Variants in PCDHAC1 observed in about 807,000 individuals in gnomAD.
PCDHAC1 encodes the protein protocadherin alpha subfamily C, 1.
Under a neutral mutation model 60.0 loss-of-function variants are expected in PCDHAC1, and 42 were observed. The ratio of observed to expected loss-of-function variants is 0.70; its 90% CI spans 0.55 to 0.90. The LOEUF is 0.90. Ranked by LOEUF, PCDHAC1 falls within the 40% of genes least tolerant of loss-of-function variation. The pLI is 0.00. For synonymous variants in PCDHAC1, 468 were observed against 499.3 expected (o/e 0.94, Z 0.84); for missense variants, 1,160 against 1,222.3 (o/e 0.95, Z 0.76).
At chr5:140,985,740 T>TG (rs1554247304) in intron 3 of PCDHAC1, among the ~76,000 whole-genome samples, 2 of 53,688 alleles carry the variant, frequency 3.7e-5, no homozygotes, top group Admixed American at 1.9e-4. Flanking sequence ...GATGAATTCC[T>TG]TTTTTTTTTT....
Position 140,969,468 on chromosome 5 carries a change from A to G in PCDHAC1, c.2434-9481A>G, listed in dbSNP as rs1554231867. 18 of 1,486,304 alleles carry G rather than the reference A, an allele frequency of 1.2e-5. No individual in the cohort carries two copies. In the South Asian group the frequency reaches 2.5e-4, roughly 21 times the overall value. 92.1% of individuals were successfully genotyped at this position (1,486,304 alleles called of 1,614,324 possible). The stretch of plus-strand genomic sequence containing the variant: ...AAACTGAGTATATATAGTATCCACA[A>G]TTTGATCATAATCTGCTATTTCCTC... On this transcript the variant is annotated intron_variant, in intron 1 of 3. Transcript: ENST00000253807.
intron 1 of PCDHAC1, chr5:140,969,402 T>C: frequency 6.3e-7 from 1 of 1,579,638 alleles, no homozygotes; most frequent in Non-Finnish European, 8.6e-7. Flanking sequence ...TCCTGTGATT[T>C]GGCTTTATTG....
chr5:140,945,001 G>GT (rs2093723326), intron 1 of PCDHAC1, among the ~76,000 whole-genome samples: 1 of 151,990 alleles, frequency 6.6e-6, no homozygotes, highest in South Asian at 2.1e-4. Context: ...ACGGTTGTGG[G>GT]TCATGAATTA....
chr5:140,928,220 C>G lies in PCDHAC1; in HGVS notation c.1328C>G (p.Pro443Arg). The G allele has an allele frequency of 6.2e-7, 1 of 1,614,166 alleles. No individual in the cohort carries two copies. Residue 443 changes from proline to arginine, a missense_variant, in exon 1 of 4, where the codon CCA becomes CGA. By Grantham distance (103) the Pro-to-Arg change is moderately radical. Around this residue, in one of 3 missense-constraint regions of PCDHAC1, gnomAD observed 1,113 missense variants for 1,163.7 expected, o/e 0.96. Coordinates refer to ENST00000253807, the MANE Select transcript of PCDHAC1 (RefSeq NM_018898.5). Reference sequence around the variant, plus strand: ...GTTGCTGATGTGAATGACAATACACCAAACTTTCCTCAACCCCAGCAGGAA... The same window carrying G: ...GTTGCTGATGTGAATGACAATACACGAAACTTTCCTCAACCCCAGCAGGAA... ...VSVADVNDNT[P>R]NFPQPQQELF...
chr5:140,941,373 G>A (rs576282436), intron 1 of PCDHAC1, among the ~76,000 whole-genome samples: 2 of 134,082 alleles, frequency 1.5e-5, no homozygotes, highest in South Asian at 5.1e-4. Flanking sequence ...CTGGAGTGTA[G>A]TGACAGGATT....
chr5:140,989,373 C>G (rs1189877807), intron 3 of PCDHAC1, among the ~76,000 whole-genome samples: 1 of 152,088 alleles, frequency 6.6e-6, no homozygotes, highest in Non-Finnish European at 1.5e-5. Flanking sequence ...TGACTGAGAG[C>G]TTTGTGGGAA....
At chr5:140,941,222 T>C (rs147673675) in intron 1 of PCDHAC1, among the ~76,000 whole-genome samples, 3 of 116,858 alleles carry the variant, frequency 2.6e-5, no homozygotes, top group African/African-American at 6.4e-5. Flanking sequence ...TTCCTTTCTT[T>C]CTTTCTTTCT....
Position 140,928,718 on chromosome 5 carries a change from T to C in PCDHAC1, c.1826T>C (p.Phe609Ser). 1 of 1,614,174 alleles carries C rather than the reference T, an allele frequency of 6.2e-7. No homozygotes were observed. The highest frequency in any genetic ancestry group is 2.2e-5 in the East Asian group (1 of 44,880). The change falls in exon 1 of 4, where the codon TTT (phenylalanine) becomes TCT (serine). Residue 609 changes from phenylalanine (F) to serine (S), a missense_variant. This residue lies in a region of PCDHAC1 where 1,113 missense variants were observed against 1,163.7 expected (regional missense o/e 0.96). Coordinates refer to ENST00000253807, the MANE Select transcript of PCDHAC1 (RefSeq NM_018898.5). ...HISRASDSSLFRISANIGELR... is the reference protein window; with the variant it reads ...HISRASDSSLSRISANIGELR... ...TCCCGGGCGTCTGACTCTAGTCTCT[T>C]TAGAATTTCAGCCAATATAGGTGAG...
At chr5:140,947,147 C>A (rs1025959771) in intron 1 of PCDHAC1, among the ~76,000 whole-genome samples, 1 of 151,270 alleles carries the variant, frequency 6.6e-6, no homozygotes, top group African/African-American at 2.4e-5. Flanking sequence ...TGTATAGTTA[C>A]TTCCACGGGG....
chr5:141,011,822 A>G lies in PCDHAC1; in HGVS notation c.*1885A>G, dbSNP rs181852141. 7 of 153,844 alleles carry G rather than the reference A, an allele frequency of 4.6e-5. No homozygotes were observed. The highest frequency in any genetic ancestry group is 1.4e-4 in the African/African-American group (6 of 41,546). The allele number at this position is 153,844 out of a possible 1,614,324, so 9.5% of individuals were successfully genotyped here. A position where few individuals can be genotyped will look rare whatever the true frequency, so the allele number is the denominator to read the frequency against. On this transcript the variant is annotated 3_prime_UTR_variant, in exon 4 of 4. Transcript: ENST00000253807. ...ATATCAGCTCATAGAAAGTAACAAA[A>G]TTTGCTGTCACCTTAAATAAGACAT...
chr5:140,951,551 A>C (rs246040), intron 1 of PCDHAC1, among the ~76,000 whole-genome samples: 2 of 151,590 alleles, frequency 1.3e-5, no homozygotes, highest in African/African-American at 4.8e-5. Flanking sequence ...GACGGGGGGA[A>C]GTGCTACGCA....
At chr5:140,976,884 A>T (rs1423993981) in intron 1 of PCDHAC1, among the ~76,000 whole-genome samples, 1 of 152,232 alleles carries the variant, frequency 6.6e-6, no homozygotes, top group Non-Finnish European at 1.5e-5. Context: ...AAGAATTAGG[A>T]TACATGCAAC....
rs536640692 is a variant in PCDHAC1 at position 140,927,687 on chromosome 5, T to TG, written c.799dup (p.Glu267GlyfsTer23). ...CCTTGGATCCAGATGAAGGGTCCAATGGGGAAGTCCAGTACTCCCTAAGCA... is the reference window on the plus strand; with the variant it reads ...CCTTGGATCCAGATGAAGGGTCCAATGGGGGAAGTCCAGTACTCCCTAAGCA... On this transcript the variant is annotated frameshift_variant, in exon 1 of 4. Coordinates refer to ENST00000253807, the MANE Select transcript of PCDHAC1 (RefSeq NM_018898.5). LOFTEE classifies it high-confidence loss of function. The TG allele has an allele frequency of 3.2e-4, 518 of 1,614,158 alleles. 3 individuals carry two copies. In the Middle Eastern group the frequency reaches 0.011, roughly 35 times the overall value.
chr5:140,985,394 A>C (rs2097150028), intron 3 of PCDHAC1, among the ~76,000 whole-genome samples: 1 of 152,084 alleles, frequency 6.6e-6, no homozygotes, highest in South Asian at 2.1e-4. Context: ...AGTCACCCCA[A>C]CTGTTCCCCT....
At chr5:140,981,392 G>A (rs565370456) in intron 2 of PCDHAC1, among the ~76,000 whole-genome samples, 1 of 152,208 alleles carries the variant, frequency 6.6e-6, no homozygotes, top group South Asian at 2.1e-4. Context: ...TGGTCAATAT[G>A]GTGAAAACCT....
chr5:140,957,473 G>A (rs1307847703), intron 1 of PCDHAC1, among the ~76,000 whole-genome samples: 1 of 151,954 alleles, frequency 6.6e-6, no homozygotes, highest in Non-Finnish European at 1.5e-5. Context: ...GTATGTATAG[G>A]AAAAAACATA....
intron 1 of PCDHAC1, among the ~76,000 whole-genome samples, chr5:140,941,227 CTT>C (rs797022976): frequency 1.5e-5 from 2 of 136,000 alleles, no homozygotes; most frequent in Admixed American, 7.7e-5. Context: ...TTCTTTCTTT[CTT>C]TCTTTCTTTC....
intron 1 of PCDHAC1, chr5:140,966,728 TCCG>T (rs1554228593): frequency 2.8e-6 from 4 of 1,404,870 alleles, no homozygotes; most frequent in Non-Finnish European, 3.7e-6. Flanking sequence ...AGCTGCCGCC[TCCG>T]GCCCTGCCCG....
At position 140,928,555 on chromosome 5, in the gene PCDHAC1, A is replaced by T; in HGVS notation, c.1663A>T (p.Ile555Phe). 6.2e-7 allele frequency: 1 copy of T among 1,614,240 alleles called. No homozygotes were observed. Among genetic ancestry groups the T allele is most frequent in the South Asian group, 1.1e-5 (1 of 91,090 alleles). Reference sequence around the variant, plus strand: ...AGATAGGAATGACAATTATCCGGTTATCTTGTTTCCCTTGCCCAGAAATGG... The same window carrying T: ...AGATAGGAATGACAATTATCCGGTTTTCTTGTTTCCCTTGCCCAGAAATGG... Reference protein sequence around the residue: ...VVDRNDNYPVILFPLPRNGSV... With the variant: ...VVDRNDNYPVFLFPLPRNGSV... The change falls in exon 1 of 4, where the codon ATC becomes TTC. Residue 555 changes from isoleucine (I) to phenylalanine (F), a missense_variant. Physicochemically the swap from Ile to Phe is conservative, Grantham distance 21. This residue lies in a region of PCDHAC1 where 1,113 missense variants were observed against 1,163.7 expected (regional missense o/e 0.96). Coordinates refer to ENST00000253807, the MANE Select transcript of PCDHAC1 (RefSeq NM_018898.5).
Sources: allele counts gnomAD v4.1 joint callset (sites outside exome capture counted in the v4.1 genomes callset), GRCh38; gene constraint gnomAD v4.1.1; regional missense constraint gnomAD v4.1.1; transcripts MANE v1.5; gene names NCBI Gene and HGNC (gene_info 2026-07-23, HGNC 2026-07-21).